The following CSNK1A1 variants were observed in gnomAD, a reference collection of about 807,000 sequenced individuals.
CSNK1A1 encodes the protein casein kinase 1 alpha 1.
CSNK1A1 carries 7 observed loss-of-function variants against 46.1 expected under a neutral mutation model. The observed-to-expected ratio is 0.15, with a 90% CI of 0.09 to 0.29. The LOEUF (loss-of-function observed/expected upper bound fraction) is 0.29. CSNK1A1 is among the 10% of genes least tolerant of loss of function. The pLI, the probability that CSNK1A1 is intolerant of heterozygous loss-of-function variation, is 1.00. For synonymous variants in CSNK1A1, 137 were observed against 141.5 expected (o/e 0.97, Z 0.23); for missense variants, 96 against 417.1 (o/e 0.23, Z 6.71).
At chr5:149,513,253 C>A (rs367865573) in intron 4 of CSNK1A1, 44 bp from the exon 5 acceptor site, 2 of 1,550,718 alleles carry the variant, frequency 1.3e-6, no homozygotes, top group African/African-American at 2.7e-5. Flanking sequence ...CAACCTTGTT[C>A]AATTAAACTG....
chr5:149,512,853 C>A lies in CSNK1A1; in HGVS notation c.596+217G>T, dbSNP rs977009069. ...CTTTCTATCACGCAGTATTTTCCCC[C>A]CAAGAGACAACCTTCAACAACAACA... On this transcript the variant is annotated intron_variant, in intron 5 of 9. Transcript: ENST00000377843. 5.9e-5 allele frequency among the ~76,000 whole-genome samples: 9 copies of A among 152,144 alleles called. No individual in the cohort carries two copies. The South Asian group carries it at 8.3e-4, about 14-fold the overall frequency.
At chr5:149,507,346 G>C (rs1761065905) in intron 7 of CSNK1A1, among the ~76,000 whole-genome samples, 1 of 152,074 alleles carries the variant, frequency 6.6e-6, no homozygotes, top group African/African-American at 2.4e-5. Context: ...ATTAGTAGAA[G>C]AAATACATAT....
At chr5:149,542,640 GTATATATATA>G (rs1311690619) in intron 2 of CSNK1A1, among the ~76,000 whole-genome samples, 5 of 13,054 alleles carry the variant, frequency 3.8e-4, no homozygotes, top group South Asian at 5.2e-3. Context: ...ATATATATAT[GTATATATATA>G]TATATATATA....
At chr5:149,538,252 C>T (rs1038254260) in intron 2 of CSNK1A1, among the ~76,000 whole-genome samples, 3 of 151,912 alleles carry the variant, frequency 2.0e-5, no homozygotes, top group African/African-American at 7.3e-5. Context: ...GAACTCCCGA[C>T]CTCAGGTGAT....
chr5:149,548,256 A>G (rs373965749), intron 2 of CSNK1A1, among the ~76,000 whole-genome samples: 3 of 152,184 alleles, frequency 2.0e-5, no homozygotes, highest in African/African-American at 7.2e-5. Context: ...CATGAAAAAT[A>G]CAAACTGGAA....
intron 4 of CSNK1A1, among the ~76,000 whole-genome samples, chr5:149,519,361 A>G (rs1217883288): frequency 6.6e-6 from 1 of 152,086 alleles, no homozygotes; most frequent in Non-Finnish European, 1.5e-5. Flanking sequence ...AACAAAACAA[A>G]AAAGCCACAA....
At chr5:149,538,000 A>G (rs1299637426) in intron 2 of CSNK1A1, among the ~76,000 whole-genome samples, 2 of 149,260 alleles carry the variant, frequency 1.3e-5, no homozygotes, top group African/African-American at 2.5e-5. Flanking sequence ...TGTCTGTTCA[A>G]TGAAGTGTGC....
chr5:149,541,026 G>C (rs957454262), intron 2 of CSNK1A1, among the ~76,000 whole-genome samples: 2 of 151,994 alleles, frequency 1.3e-5, no homozygotes, highest in African/African-American at 4.8e-5. Context: ...GTTGCAGTGA[G>C]CCAAGATTGC....
chr5:149,527,728 A>G (rs1434895452), intron 2 of CSNK1A1, among the ~76,000 whole-genome samples: 1 of 152,156 alleles, frequency 6.6e-6, no homozygotes, highest in Non-Finnish European at 1.5e-5. Flanking sequence ...TCACGAACCT[A>G]CCATTACAAA....
rs779314702 is a variant in CSNK1A1 at position 149,525,176 on chromosome 5, C to T, written c.231-5G>A. 7 of 1,594,144 alleles carry T rather than the reference C, an allele frequency of 4.4e-6. No individual in the cohort carries two copies. Among genetic ancestry groups the T allele is most frequent in the South Asian group, 3.4e-5 (3 of 87,420 alleles). Reference sequence around the variant, plus strand: ...TCTTTTTCCTGACCATACCACCTAACGAAACAAAAGGAGAAGAGAGGATAT... The same window carrying T: ...TCTTTTTCCTGACCATACCACCTAATGAAACAAAAGGAGAAGAGAGGATAT... On this transcript the variant is annotated splice_region_variant and splice_polypyrimidine_tract_variant and intron_variant, in intron 2 of 9. Coordinates refer to ENST00000377843, the MANE Select transcript of CSNK1A1 (RefSeq NM_001892.6). The surrounding 1 kb of genome is among the most constrained non-coding windows in gnomAD (Gnocchi z 4.2).
intron 2 of CSNK1A1, among the ~76,000 whole-genome samples, chr5:149,540,663 A>T (rs1762200072): frequency 6.6e-6 from 1 of 152,176 alleles, no homozygotes; most frequent in Non-Finnish European, 1.5e-5. Context: ...TAAATAAATA[A>T]AATAAAACTA....
rs908939402 is a variant in CSNK1A1 at position 149,495,682 on chromosome 5, G to A, written c.*1171C>T. The A allele has an allele frequency of 6.0e-5, 9 of 150,780 alleles. No homozygotes were observed. The highest frequency in any genetic ancestry group is 1.0e-4 in the Non-Finnish European group (7 of 67,748). 9.3% of individuals were successfully genotyped at this position (150,780 alleles called of 1,614,324 possible). On this transcript the variant is annotated 3_prime_UTR_variant, in exon 10 of 10. Coordinates refer to ENST00000377843, the MANE Select transcript of CSNK1A1 (RefSeq NM_001892.6). ...AAAATCAGTCCAGCTGCTAGTCAGC[G>A]GGCAGCAGCTACAATACCAAGTTCT...
chr5:149,503,494 T>C, intron 9 of CSNK1A1: 2 of 985,436 alleles, frequency 2.0e-6, no homozygotes, highest in Non-Finnish European at 2.4e-6. Flanking sequence ...TGATGTGTTT[T>C]ATGAAAAGCC....
At chr5:149,527,127 G>A (rs975812149) in intron 2 of CSNK1A1, among the ~76,000 whole-genome samples, 6 of 140,160 alleles carry the variant, frequency 4.3e-5, no homozygotes, top group African/African-American at 1.3e-4. Context: ...CAGCAAAAGA[G>A]CCATTTTTTT....
intron 3 of CSNK1A1, among the ~76,000 whole-genome samples, chr5:149,522,963 G>A (rs112872101): frequency 7.7e-4 from 117 of 151,844 alleles, no homozygotes; most frequent in African/African-American, 2.5e-3. Context: ...GGATGCTTAC[G>A]TGTTACTGAA....
At position 149,494,100 on chromosome 5, in the gene CSNK1A1, T is replaced by G. The variant is rs1341594022; in HGVS notation, c.*2753A>C. 6.6e-6 allele frequency: 1 copy of G among 152,242 alleles called. No individual in the cohort carries two copies. Among genetic ancestry groups the G allele is most frequent in the Non-Finnish European group, 1.5e-5 (1 of 68,044 alleles). 9.4% of individuals were successfully genotyped at this position (152,242 alleles called of 1,614,324 possible). On this transcript the variant is annotated 3_prime_UTR_variant, in exon 10 of 10. Coordinates refer to ENST00000377843, the MANE Select transcript of CSNK1A1 (RefSeq NM_001892.6). ...TTTAGGGAAAACTAGCTCATTGTCT[T>G]GGGTTCTAAAGTCCTTTTGTTTGAT...
intron 4 of CSNK1A1, among the ~76,000 whole-genome samples, chr5:149,516,564 T>C (rs1165054880): frequency 6.6e-6 from 1 of 152,028 alleles, no homozygotes; most frequent in Non-Finnish European, 1.5e-5. Flanking sequence ...CTAACCTGTA[T>C]GTACAAAATC....
Position 149,550,254 on chromosome 5 carries a change from A to G in CSNK1A1, c.124-73T>C. ...ATGTCACTTAGGAAAGGAGGGAGAC[A>G]TTAGCAAAACTCCAAGTCGCGACTA... On this transcript the variant is annotated intron_variant, in intron 1 of 9. Transcript: ENST00000377843. The surrounding 1 kb of genome is among the most constrained non-coding windows in gnomAD (Gnocchi z 4.3). 1.3e-6 allele frequency: 2 copies of G among 1,555,502 alleles called. No homozygotes were observed.
intron 9 of CSNK1A1, chr5:149,504,974 A>G (rs1760978542): frequency 2.0e-6 from 2 of 985,596 alleles, no homozygotes; most frequent in Admixed American, 6.1e-5. Context: ...ACAATTTTCC[A>G]TTTTAAATGC....
Sources: allele counts gnomAD v4.1 joint callset (sites outside exome capture counted in the v4.1 genomes callset), GRCh38; gene constraint gnomAD v4.1.1; non-coding constraint Gnocchi (gnomAD v3.1); transcripts MANE v1.5; gene names NCBI Gene and HGNC (gene_info 2026-07-23, HGNC 2026-07-21).